Variants in RALGAPA1 observed in about 807,000 individuals in gnomAD.
RALGAPA1 encodes the protein ral GTPase-activating protein subunit alpha-1.
RALGAPA1 carries 52 observed loss-of-function variants against 269.6 expected under a neutral mutation model. That is an observed-to-expected ratio of 0.19 (90% CI 0.15 to 0.24). The LOEUF (loss-of-function observed/expected upper bound fraction) is 0.24. Ranked by LOEUF, RALGAPA1 falls within the 10% of genes least tolerant of loss-of-function variation. The pLI is 1.00. For synonymous variants in RALGAPA1, 817 were observed against 1,008.3 expected, an observed-to-expected ratio of 0.81 and a Z score of 3.60; for missense variants, 1,917 against 3,013.9, an observed-to-expected ratio of 0.64 and a Z score of 8.52.
intron 7 of RALGAPA1, 23 bp from the exon 8 acceptor site, chr14:35,752,185 G>C: frequency 2.0e-6 from 3 of 1,488,154 alleles, no homozygotes; most frequent in Non-Finnish European, 2.7e-6. Flanking sequence ...TATATAATTA[G>C]AATCATTCCA....
intron 5 of RALGAPA1, 100 bp downstream of exon 5, chr14:35,762,610 G>A (rs11847872): frequency 1 from 777,659 of 778,876 alleles, 388,225 homozygotes; most frequent in East Asian, 1. Flanking sequence ...AGACAATTCA[G>A]AGATCTTTAG....
intron 19 of RALGAPA1, 124 bp downstream of exon 19, chr14:35,686,417 AT>A: frequency 2.8e-6 from 2 of 715,194 alleles, no homozygotes; most frequent in Non-Finnish European, 4.1e-6. Context: ...AAAGGGTTAT[AT>A]TTTGAGGAAA....
intron 1 of RALGAPA1, among the ~76,000 whole-genome samples, chr14:35,784,589 G>C (rs1235288356): frequency 6.6e-6 from 1 of 152,122 alleles, no homozygotes; most frequent in East Asian, 1.9e-4. Context: ...AGATCTGCCA[G>C]ACCCTACCTG....
chr14:35,637,442 A>G (rs761695424), intron 31 of RALGAPA1, among the ~76,000 whole-genome samples: 2 of 152,224 alleles, frequency 1.3e-5, no homozygotes, highest in Non-Finnish European at 2.9e-5. Flanking sequence ...AGAATGCATC[A>G]GAGTTCTTTT....
intron 17 of RALGAPA1, among the ~76,000 whole-genome samples, chr14:35,690,988 G>A (rs1443730704): frequency 1.3e-5 from 2 of 151,916 alleles, no homozygotes; most frequent in Non-Finnish European, 2.9e-5. Flanking sequence ...AGAACTGCTT[G>A]AACCCATGAG....
chr14:35,689,379 G>C lies in RALGAPA1; in HGVS notation c.3032C>G (p.Pro1011Arg). Residue 1011 changes from proline (P) to arginine (R), a missense_variant, in exon 18 of 42, where the codon CCA becomes CGA. Transcript: ENST00000680220. ...TPENLQFQKE[P>R]NSAVFMSNIA... Reference sequence around the variant, plus strand: ...ATTACTCATGAAGACAGCTGAGTTTGGTTCTTTCTGAAACTGTAGGTTTTC... The same window carrying C: ...ATTACTCATGAAGACAGCTGAGTTTCGTTCTTTCTGAAACTGTAGGTTTTC... 2 of 1,232,200 alleles carry C rather than the reference G, an allele frequency of 1.6e-6. No individual in the cohort carries two copies. The highest frequency in any genetic ancestry group is 2.0e-6 in the Non-Finnish European group (2 of 988,046). 76.3% of individuals were successfully genotyped at this position (1,232,200 alleles called of 1,614,324 possible). A position where few individuals can be genotyped will look rare whatever the true frequency, so the allele number is the denominator to read the frequency against.
intron 12 of RALGAPA1, among the ~76,000 whole-genome samples, chr14:35,737,577 C>T (rs1183468677): frequency 4.7e-5 from 7 of 149,978 alleles, no homozygotes; most frequent in Admixed American, 1.3e-4. Flanking sequence ...GCCAACATGA[C>T]GAAACCCCAT....
chr14:35,724,994 G>C (rs1567094636), intron 14 of RALGAPA1, 30 bp downstream of exon 14: 2 of 1,550,382 alleles, frequency 1.3e-6, no homozygotes, highest in Non-Finnish European at 1.7e-6. Flanking sequence ...TATCTATCCA[G>C]CTATTCATCT....
At chr14:35,732,994 T>C (rs1038337379) in intron 12 of RALGAPA1, among the ~76,000 whole-genome samples, 2 of 152,198 alleles carry the variant, frequency 1.3e-5, no homozygotes, top group Admixed American at 1.3e-4. Flanking sequence ...GGCCATATGA[T>C]AAACCACAAA....
intron 37 of RALGAPA1, among the ~76,000 whole-genome samples, chr14:35,580,905 C>G (rs1452926510): frequency 6.6e-6 from 1 of 152,060 alleles, no homozygotes; most frequent in Admixed American, 6.5e-5. Context: ...GTCAACAAGC[C>G]TTACTTCCTC....
At chr14:35,731,189 G>A (rs2070444358) in intron 12 of RALGAPA1, among the ~76,000 whole-genome samples, 1 of 152,158 alleles carries the variant, frequency 6.6e-6, no homozygotes, top group African/African-American at 2.4e-5. Context: ...AAGGGGGAGA[G>A]TACTACATCA....
At chr14:35,793,453 C>T (rs1397961113) in intron 1 of RALGAPA1, among the ~76,000 whole-genome samples, 2 of 152,014 alleles carry the variant, frequency 1.3e-5, no homozygotes, top group African/African-American at 2.4e-5. Flanking sequence ...AGGCTGGTCT[C>T]GAACTCCTGA....
intron 1 of RALGAPA1, among the ~76,000 whole-genome samples, chr14:35,786,938 T>C (rs569731877): frequency 9.8e-5 from 15 of 152,296 alleles, no homozygotes; most frequent in African/African-American, 3.1e-4. Context: ...AACCCAATCA[T>C]CATGCTTATG....
intron 39 of RALGAPA1, among the ~76,000 whole-genome samples, chr14:35,563,256 A>G (rs2056434242): frequency 6.6e-6 from 1 of 152,204 alleles, no homozygotes; most frequent in South Asian, 2.1e-4. Flanking sequence ...TAATAGTTTT[A>G]CATAGTAAAG....
chr14:35,700,325 A>C, intron 16 of RALGAPA1, 23 bp from the exon 17 acceptor site: 1 of 1,494,194 alleles, frequency 6.7e-7, no homozygotes, highest in Admixed American at 2.5e-5. Flanking sequence ...AAAAGAAAGA[A>C]GTGGGGAAGG....
intron 12 of RALGAPA1, among the ~76,000 whole-genome samples, chr14:35,734,425 G>C (rs924568430): frequency 1.3e-5 from 2 of 152,004 alleles, no homozygotes; most frequent in Admixed American, 6.6e-5. Flanking sequence ...ACTGATCTTC[G>C]ACAGAGCAAA....
Position 35,678,084 on chromosome 14 carries a change from G to C in RALGAPA1, c.4490C>G (p.Pro1497Arg). The C allele has an allele frequency of 6.2e-7, 1 of 1,604,790 alleles. No homozygotes were observed. Among genetic ancestry groups the C allele is most frequent in the Non-Finnish European group, 8.5e-7 (1 of 1,177,890 alleles). The stretch of plus-strand genomic sequence containing the variant: ...CCTGGAGCCCAGAGGTGAGTGGACT[G>C]GGGAAGCACTTTCTGAACCTGTAAA... Reference protein sequence around the residue: ...ATITGSESASPVHSPLGSRSQ... With the variant: ...ATITGSESASRVHSPLGSRSQ... Residue 1497 changes from proline (P) to arginine (R), a missense_variant, in exon 22 of 42, where the codon CCA becomes CGA. Pro to Arg is a moderately radical substitution (Grantham distance 103). This residue lies in a region of RALGAPA1 where 615 missense variants were observed against 790.0 expected (regional missense o/e 0.78). Coordinates refer to ENST00000680220, the MANE Select transcript of RALGAPA1 (RefSeq NM_001346249.2).
chr14:35,765,482 T>C (rs1006083237), intron 4 of RALGAPA1, among the ~76,000 whole-genome samples: 8 of 152,146 alleles, frequency 5.3e-5, no homozygotes, highest in Non-Finnish European at 1.2e-4. Flanking sequence ...TGTGTGATAT[T>C]GATATTTATA....
At chr14:35,618,283 G>C (rs2060386608) in intron 35 of RALGAPA1, among the ~76,000 whole-genome samples, 1 of 151,980 alleles carries the variant, frequency 6.6e-6, no homozygotes, top group South Asian at 2.1e-4. Flanking sequence ...GATCAGGCAG[G>C]GTTTAGCTCA....
Sources: gnomAD v4.1 joint callset for allele counts (sites outside exome capture counted in the v4.1 genomes callset) on GRCh38, gnomAD v4.1.1 for gene constraint, gnomAD v4.1.1 regional missense constraint, MANE v1.5 for transcripts, NCBI Gene and HGNC (gene_info 2026-07-23, HGNC 2026-07-21) for gene names.